The following PDE6C variants were observed in gnomAD, a reference collection of about 807,000 sequenced individuals.
PDE6C encodes phosphodiesterase 6C.
In PDE6C, 75 loss-of-function variants were observed where a neutral mutation model predicts 113.1. That is an observed-to-expected ratio of 0.66 (90% confidence interval 0.55 to 0.80). The LOEUF is 0.80. Among genes scored for constraint, PDE6C ranks in the 30% least tolerant of loss-of-function variants. The pLI, the probability that PDE6C is intolerant of heterozygous loss-of-function variation, is 0.00. For synonymous variants in PDE6C, 375 were observed against 363.7 expected, an observed-to-expected ratio of 1.03 and a Z score of -0.35; for missense variants, 912 against 1,038.6, an observed-to-expected ratio of 0.88 and a Z score of 1.67.
chr10:93,661,197 G>A lies in PDE6C; in HGVS notation c.2209-862G>A, dbSNP rs549843821. Among the ~76,000 whole-genome samples, 7 of 152,170 alleles carry A rather than the reference G, an allele frequency of 4.6e-5. No homozygotes were observed. In the South Asian group the frequency reaches 1.5e-3, roughly 32 times the overall value. On this transcript the variant is annotated intron_variant, in intron 18 of 21. Transcript: ENST00000371447. ...CAAGCTTCCTGGCAAAATTTACATG[G>A]CCTGTCACTGCCTGTCCTCAACTCA...
intron 19 of PDE6C, among the ~76,000 whole-genome samples, 182 bp from the exon 20 acceptor site, chr10:93,662,378 A>G (rs2058669814): frequency 6.7e-6 from 1 of 149,466 alleles, no homozygotes; most frequent in Non-Finnish European, 1.5e-5. Context: ...CAGGAGAATC[A>G]CTTAAACTCA....
intron 15 of PDE6C, among the ~76,000 whole-genome samples, chr10:93,653,366 G>A (rs923205261): frequency 6.6e-6 from 1 of 152,182 alleles, no homozygotes; most frequent in Non-Finnish European, 1.5e-5. Flanking sequence ...TCGGGGTCCA[G>A]GCACGGTGGC....
chr10:93,630,525 G>T (rs2058496127), intron 8 of PDE6C, among the ~76,000 whole-genome samples: 1 of 151,848 alleles, frequency 6.6e-6, no homozygotes, highest in African/African-American at 2.4e-5. Flanking sequence ...CTGGCATTTG[G>T]CTCCACAGCC....
At chr10:93,622,110 C>T (rs752947907) in intron 4 of PDE6C, 38 bp downstream of exon 4, 111 of 1,593,180 alleles carry the variant, frequency 7.0e-5, no homozygotes, top group Admixed American at 2.3e-4. Context: ...CATCTCACAT[C>T]GCCTATATAA....
chr10:93,644,857 G>GTATATATA (rs911966427), intron 14 of PDE6C, among the ~76,000 whole-genome samples: 19 of 117,276 alleles, frequency 1.6e-4, no homozygotes, highest in Non-Finnish European at 1.6e-4. Context: ...TATATATAGT[G>GTATATATA]TATATATATA....
intron 21 of PDE6C, among the ~76,000 whole-genome samples, chr10:93,663,884 C>G (rs2058678052): frequency 6.6e-6 from 1 of 152,150 alleles, no homozygotes; most frequent in South Asian, 2.1e-4. Context: ...GAAAGTTTAT[C>G]ACTCTGAAGG....
chr10:93,661,466 A>G (rs1291432807), intron 18 of PDE6C, among the ~76,000 whole-genome samples: 1 of 152,136 alleles, frequency 6.6e-6, no homozygotes, highest in Non-Finnish European at 1.5e-5. Flanking sequence ...TACAGCACTT[A>G]CCACACTGTA....
chr10:93,636,788 G>A (rs546773374), intron 10 of PDE6C, among the ~76,000 whole-genome samples: 1 of 152,242 alleles, frequency 6.6e-6, no homozygotes, highest in East Asian at 1.9e-4. Flanking sequence ...TATTTTTAGA[G>A]ATGGGGTCTC....
intron 9 of PDE6C, among the ~76,000 whole-genome samples, chr10:93,635,197 C>G (rs1250929077): frequency 3.3e-5 from 5 of 152,146 alleles, no homozygotes; most frequent in African/African-American, 9.7e-5. Context: ...CCTGTTCCCT[C>G]TCATTCTTAT....
intron 7 of PDE6C, among the ~76,000 whole-genome samples, 162 bp downstream of exon 7, chr10:93,627,033 C>T (rs1372723494): frequency 2.6e-5 from 4 of 152,012 alleles, no homozygotes; most frequent in African/African-American, 4.8e-5. Flanking sequence ...GAGGCTGAGG[C>T]GGGCGAATCA....
At chr10:93,628,368 T>G (rs1811944935) in intron 7 of PDE6C, among the ~76,000 whole-genome samples, 1 of 152,174 alleles carries the variant, frequency 6.6e-6, no homozygotes, top group South Asian at 2.1e-4. Context: ...GTGGATTGCC[T>G]GAGGTCAAGA....
chr10:93,616,980 C>G (rs994023017), intron 1 of PDE6C, among the ~76,000 whole-genome samples: 2 of 152,104 alleles, frequency 1.3e-5, no homozygotes, highest in South Asian at 4.1e-4. Flanking sequence ...GTTTTTTTCT[C>G]TATTCGGAAA....
chr10:93,654,793 TCTTTCTTTCTTTC>T (rs2058627169), intron 15 of PDE6C, among the ~76,000 whole-genome samples: 1 of 105,930 alleles, frequency 9.4e-6, no homozygotes, highest in African/African-American at 3.0e-5. Context: ...TTTCTTTCTT[TCTTTCTTTCTTTC>T]TTTCTTTTTT....
rs71031523 is a variant in PDE6C, at chr10:93,622,650, G to GT, written c.864+589dup. Among the ~76,000 whole-genome samples the GT allele has an allele frequency of 4.0e-3, 434 of 107,466 alleles. 14 individuals carry two copies. Among genetic ancestry groups the GT allele is most frequent in the African/African-American group, 0.019 (419 of 21,516 alleles). 70.5% of individuals were successfully genotyped at this position (107,466 alleles called of 152,430 possible). A position where few individuals can be genotyped will look rare whatever the true frequency, so the allele number is the denominator to read the frequency against. On this transcript the variant is annotated intron_variant, in intron 4 of 21. Coordinates refer to ENST00000371447, the MANE Select transcript of PDE6C (RefSeq NM_006204.4). ...CCTGGTAGCCACAGGTTTTTTTTTTGTTTTTTTTTTTGTTGTTTTTTTTTT... is the reference window on the plus strand; with the variant it reads ...CCTGGTAGCCACAGGTTTTTTTTTTGTTTTTTTTTTTTGTTGTTTTTTTTTT...
chr10:93,655,610 C>CAAAAAAAAAAAAAAAAAAAAGAAAGAAA, intron 15 of PDE6C, 150 bp from the exon 16 acceptor site: 2 of 265,104 alleles, frequency 7.5e-6, no homozygotes, highest in Non-Finnish European at 1.3e-5. Flanking sequence ...AAAAGCAAGC[C>CAAAAAAAAAAAAAAAAAAAAGAAAGAAA]AAAAAAAAAA....
At chr10:93,618,995 A>G (rs1478845435) in intron 1 of PDE6C, among the ~76,000 whole-genome samples, 1 of 152,240 alleles carries the variant, frequency 6.6e-6, no homozygotes, top group Non-Finnish European at 1.5e-5. Context: ...ATTTTGGCCA[A>G]CGAGTCTCAG....
At chr10:93,616,205 C>G (rs1320519859) in intron 1 of PDE6C, among the ~76,000 whole-genome samples, 1 of 152,170 alleles carries the variant, frequency 6.6e-6, no homozygotes, top group Non-Finnish European at 1.5e-5. Context: ...GGGGCAATAA[C>G]TCAGGTCTTG....
At chr10:93,645,725 T>C (rs541321279) in intron 14 of PDE6C, among the ~76,000 whole-genome samples, 6 of 152,304 alleles carry the variant, frequency 3.9e-5, no homozygotes, top group African/African-American at 9.6e-5. Flanking sequence ...GCTGAACTCC[T>C]TAGTTTAAAC....
intron 8 of PDE6C, among the ~76,000 whole-genome samples, chr10:93,634,157 G>A (rs1276168448): frequency 2.0e-5 from 3 of 152,028 alleles, no homozygotes; most frequent in Non-Finnish European, 4.4e-5. Context: ...CAAGTAGCTG[G>A]GATTACAGGT....
Sources: gnomAD v4.1 joint callset for allele counts (sites outside exome capture counted in the v4.1 genomes callset) on GRCh38, gnomAD v4.1.1 for gene constraint, MANE v1.5 for transcripts, NCBI Gene and HGNC (gene_info 2026-07-23, HGNC 2026-07-21) for gene names.